The following GALNT13 variants were observed in gnomAD, a reference collection of about 807,000 sequenced individuals.
GALNT13 encodes the protein UDP-GalNAc:polypeptide N-acetylgalactosaminyltransferase 13.
GALNT13 carries 28 observed loss-of-function variants against 64.2 expected under a neutral mutation model. The ratio of observed to expected loss-of-function variants is 0.44; its 90% CI spans 0.32 to 0.60. The LOEUF is 0.60. Among genes scored for constraint, GALNT13 ranks in the 20% least tolerant of loss-of-function variants. The probability of loss-of-function intolerance (pLI) is 0.05; values close to 1 mark genes in which losing one functional copy is unlikely to be tolerated. For synonymous variants in GALNT13, 214 were observed against 224.6 expected (o/e 0.95, Z 0.42); for missense variants, 577 against 669.8 (o/e 0.86, Z 1.53).
chr2:153,283,104 G>A, the GALNT13 span, among the ~76,000 whole-genome samples: 3 of 152,178 alleles, frequency 2.0e-5, no homozygotes, highest in Non-Finnish European at 4.4e-5. Context: ...TCCATGGAGG[G>A]CTCAGTGGTC....
Position 153,906,193 on chromosome 2 carries a change from G to T in GALNT13, c.-105+5186G>T, listed in dbSNP as rs574024441. On this transcript the variant is annotated intron_variant, in intron 2 of 12. Transcript: ENST00000392825. ...GTTTCTCTTAATCCCATGTCTGGTT[G>T]TTTTTTTTTAATGTTGAGTTCAAGC... Among the ~76,000 whole-genome samples, 673 of 147,476 alleles carry T rather than the reference G, an allele frequency of 4.6e-3. 4 individuals carry two copies. The highest frequency in any genetic ancestry group is 0.016 in the African/African-American group (640 of 40,280).
intron 4 of GALNT13, among the ~76,000 whole-genome samples, chr2:154,156,365 A>T (rs1684422527): frequency 6.6e-6 from 1 of 152,092 alleles, no homozygotes; most frequent in African/African-American, 2.4e-5. Context: ...CCTATCCTTG[A>T]TAAGCTTACG....
chr2:154,453,087 A>T lies in GALNT13; in HGVS notation c.*2536A>T, dbSNP rs1701932167. On this transcript the variant is annotated 3_prime_UTR_variant, in exon 13 of 13. Coordinates refer to ENST00000392825, the MANE Select transcript of GALNT13 (RefSeq NM_052917.4). ...TTTGAAATATAACTAGAAAAGAATG[A>T]CTTGCCACCATATCCACTAGGTGTC... 6.6e-6 allele frequency: 1 copy of T among 152,154 alleles called. No individual in the cohort carries two copies. Among genetic ancestry groups the T allele is most frequent in the Non-Finnish European group, 1.5e-5 (1 of 68,034 alleles). The allele number at this position is 152,154 out of a possible 1,614,324, so 9.4% of individuals were successfully genotyped here.
chr2:153,435,023 G>A, the GALNT13 span, among the ~76,000 whole-genome samples: 1 of 152,290 alleles, frequency 6.6e-6, no homozygotes, highest in African/African-American at 2.4e-5. Context: ...GTAAGGAAGG[G>A]ATCCAGTTTC....
At chr2:153,503,502 A>C in the GALNT13 span, among the ~76,000 whole-genome samples, 1 of 152,198 alleles carries the variant, frequency 6.6e-6, no homozygotes, top group South Asian at 2.1e-4. Flanking sequence ...GTGCAGTGGC[A>C]AAATCTCAGC....
At chr2:153,936,022 G>T (rs945108261) in intron 2 of GALNT13, among the ~76,000 whole-genome samples, 3 of 152,164 alleles carry the variant, frequency 2.0e-5, no homozygotes, top group African/African-American at 7.2e-5. Flanking sequence ...AAAATATACA[G>T]AGACTCATTA....
At chr2:153,350,939 C>T in the GALNT13 span, among the ~76,000 whole-genome samples, 1 of 151,970 alleles carries the variant, frequency 6.6e-6, no homozygotes, top group East Asian at 1.9e-4. Flanking sequence ...AAAAGATAGT[C>T]CTATGGCAAA....
chr2:153,154,868 G>A, the GALNT13 span, among the ~76,000 whole-genome samples: 1 of 152,024 alleles, frequency 6.6e-6, no homozygotes, highest in Non-Finnish European at 1.5e-5. Context: ...TGGGTTTGTC[G>A]TATATGGCTC....
the GALNT13 span, among the ~76,000 whole-genome samples, chr2:153,435,737 T>C: frequency 6.6e-6 from 1 of 152,148 alleles, no homozygotes; most frequent in Non-Finnish European, 1.5e-5. Context: ...GCTGAGATGA[T>C]GGGGTTTTCT....
intron 3 of GALNT13, among the ~76,000 whole-genome samples, chr2:154,008,603 G>A (rs1161429895): frequency 6.6e-6 from 1 of 152,020 alleles, no homozygotes; most frequent in Admixed American, 6.5e-5. Flanking sequence ...TGCTCAACTA[G>A]GCCCTAGTGT....
At chr2:153,583,042 A>G in the GALNT13 span, among the ~76,000 whole-genome samples, 1 of 152,204 alleles carries the variant, frequency 6.6e-6, no homozygotes, top group Non-Finnish European at 1.5e-5. Flanking sequence ...TCTGGTGGGT[A>G]AGTCAGGCAT....
At chr2:153,196,137 C>G in the GALNT13 span, among the ~76,000 whole-genome samples, 1 of 152,096 alleles carries the variant, frequency 6.6e-6, no homozygotes, top group South Asian at 2.1e-4. Flanking sequence ...CACTCCGGTT[C>G]CCATCCCAGG....
intron 3 of GALNT13, among the ~76,000 whole-genome samples, chr2:153,947,321 T>A (rs1490988806): frequency 6.6e-6 from 1 of 151,946 alleles, no homozygotes; most frequent in Non-Finnish European, 1.5e-5. Flanking sequence ...CTGTATGTAT[T>A]TATGTGACTG....
intron 9 of GALNT13, among the ~76,000 whole-genome samples, chr2:154,321,987 A>G (rs906573374): frequency 6.6e-6 from 1 of 151,928 alleles, no homozygotes; most frequent in South Asian, 2.1e-4. Context: ...AGGTATATAC[A>G]TATTTGCCCA....
chr2:154,175,965 TC>T (rs1685623536), intron 4 of GALNT13, among the ~76,000 whole-genome samples: 1 of 151,946 alleles, frequency 6.6e-6, no homozygotes, highest in Non-Finnish European at 1.5e-5. Flanking sequence ...AAACATATTT[TC>T]CCCCATCCAA....
At chr2:153,120,569 A>C in the GALNT13 span, among the ~76,000 whole-genome samples, 1 of 152,206 alleles carries the variant, frequency 6.6e-6, no homozygotes, top group African/African-American at 2.4e-5. Context: ...TTTATCTATA[A>C]AAATAATTGT....
chr2:153,373,621 A>G, the GALNT13 span, among the ~76,000 whole-genome samples: 2 of 152,224 alleles, frequency 1.3e-5, no homozygotes, highest in Non-Finnish European at 2.9e-5. Context: ...TTCAGTGTAC[A>G]GTTTAGTGGC....
intron 8 of GALNT13, among the ~76,000 whole-genome samples, chr2:154,291,138 C>T (rs1406006501): frequency 6.6e-6 from 1 of 152,262 alleles, no homozygotes; most frequent in Middle Eastern, 3.4e-3. Flanking sequence ...CTTTTATTCC[C>T]TTATCTGGCC....
the GALNT13 span, among the ~76,000 whole-genome samples, chr2:153,533,833 T>C: frequency 6.7e-6 from 1 of 150,120 alleles, no homozygotes; most frequent in African/African-American, 2.4e-5. Flanking sequence ...TAAGCCCATT[T>C]CTGTTATTGT....
Sources: gnomAD v4.1 joint callset for allele counts (sites outside exome capture counted in the v4.1 genomes callset) on GRCh38, gnomAD v4.1.1 for gene constraint, MANE v1.5 for transcripts, NCBI Gene and HGNC (gene_info 2026-07-23, HGNC 2026-07-21) for gene names.